Variants in SLCO6A1 observed in about 807,000 individuals in gnomAD.
The protein encoded by SLCO6A1 is solute carrier organic anion transporter family member 6A1.
SLCO6A1 carries 65 observed loss-of-function variants against 72.7 expected under a neutral mutation model. The ratio of observed to expected loss-of-function variants is 0.89; its 90% CI spans 0.73 to 1.10. The LOEUF (loss-of-function observed/expected upper bound fraction) is 1.10. Ranked by LOEUF, SLCO6A1 falls within the 50% of genes least tolerant of loss-of-function variation. The pLI is 0.00. For synonymous variants in SLCO6A1, 314 were observed against 298.2 expected (o/e 1.05, Z -0.55); for missense variants, 874 against 872.6 (o/e 1.00, Z -0.02).
intron 4 of SLCO6A1, among the ~76,000 whole-genome samples, chr5:102,472,270 G>C (rs1399897232): frequency 6.6e-6 from 1 of 152,094 alleles, no homozygotes; most frequent in Non-Finnish European, 1.5e-5. Flanking sequence ...TATTTGTCTG[G>C]TAGTTACCAA....
At chr5:102,383,334 T>A (rs562380241) in intron 12 of SLCO6A1, among the ~76,000 whole-genome samples, 33 of 151,658 alleles carry the variant, frequency 2.2e-4, no homozygotes, top group African/African-American at 7.7e-4. Context: ...TAGGTCTGAG[T>A]AAGTAATATA....
At chr5:102,460,575 T>G (rs921442226) in intron 4 of SLCO6A1, among the ~76,000 whole-genome samples, 1 of 151,910 alleles carries the variant, frequency 6.6e-6, no homozygotes, top group African/African-American at 2.4e-5. Flanking sequence ...AAGGAGGAGA[T>G]TAGGGGAGGT....
chr5:102,483,487 G>A (rs1752308118), intron 1 of SLCO6A1, among the ~76,000 whole-genome samples: 1 of 152,182 alleles, frequency 6.6e-6, no homozygotes, highest in Non-Finnish European at 1.5e-5. Context: ...TTGGAAGAGA[G>A]AGTGTTCCAT....
chr5:102,452,324 G>T (rs1404956123), intron 6 of SLCO6A1, among the ~76,000 whole-genome samples: 2 of 151,736 alleles, frequency 1.3e-5, no homozygotes, highest in South Asian at 2.1e-4. Flanking sequence ...TTTGCTTTTT[G>T]CTTTTCTGTG....
At position 102,427,840 on chromosome 5, in the gene SLCO6A1, G is replaced by GTATATA. The variant is rs1192315166; in HGVS notation, c.1277-7820_1277-7819insTATATA. On this transcript the variant is annotated intron_variant, in intron 7 of 13. Coordinates refer to ENST00000506729, the MANE Select transcript of SLCO6A1 (RefSeq NM_173488.5). ...AAACCCCCTCTCTCTGTGTGTGTAT[G>GTATATA]TATACATATATATATATATATATAT... 2.2e-4 allele frequency among the ~76,000 whole-genome samples: 23 copies of GTATATA among 102,744 alleles called. 1 individual carries two copies. The highest frequency in any genetic ancestry group is 6.7e-4 in the South Asian group (2 of 2,998). The allele number at this position is 102,744 out of a possible 152,430, so 67.4% of individuals were successfully genotyped here.
At chr5:102,468,903 T>C (rs1462384970) in intron 4 of SLCO6A1, among the ~76,000 whole-genome samples, 1 of 152,174 alleles carries the variant, frequency 6.6e-6, no homozygotes, top group African/African-American at 2.4e-5. Context: ...CCAGCACCAT[T>C]TATTAAATAG....
intron 7 of SLCO6A1, among the ~76,000 whole-genome samples, chr5:102,432,675 G>T (rs1279017756): frequency 6.6e-6 from 1 of 151,894 alleles, no homozygotes; most frequent in East Asian, 1.9e-4. Context: ...TTTGTAGATG[G>T]CCTGTCCTTT....
At chr5:102,494,013 AG>A (rs1281507203) in intron 1 of SLCO6A1, among the ~76,000 whole-genome samples, 1 of 152,192 alleles carries the variant, frequency 6.6e-6, no homozygotes, top group Non-Finnish European at 1.5e-5. Context: ...CGAAGTCGAA[AG>A]GATACCTGAT....
chr5:102,402,328 G>T (rs528296486), intron 9 of SLCO6A1, among the ~76,000 whole-genome samples: 1 of 152,096 alleles, frequency 6.6e-6, no homozygotes, highest in Non-Finnish European at 1.5e-5. Flanking sequence ...GTGAACCAGG[G>T]CCTAAAATCC....
chr5:102,491,454 G>A (rs1752672256), intron 1 of SLCO6A1, among the ~76,000 whole-genome samples: 1 of 152,210 alleles, frequency 6.6e-6, no homozygotes, highest in Non-Finnish European at 1.5e-5. Context: ...GGCACTCGTT[G>A]GGGAGGCTTG....
intron 6 of SLCO6A1, among the ~76,000 whole-genome samples, chr5:102,450,147 G>C (rs181505236): frequency 3.3e-4 from 50 of 152,270 alleles, no homozygotes; most frequent in African/African-American, 1.2e-3. Flanking sequence ...ATTTCATCCT[G>C]GTGAATAAGC....
chr5:102,386,607 T>G (rs1209452243), intron 12 of SLCO6A1, among the ~76,000 whole-genome samples: 1 of 152,100 alleles, frequency 6.6e-6, no homozygotes, highest in Non-Finnish European at 1.5e-5. Flanking sequence ...TGCCTCAGGC[T>G]GCAAGTTCCC....
chr5:102,469,927 T>C (rs1454226545), intron 4 of SLCO6A1, among the ~76,000 whole-genome samples: 1 of 152,192 alleles, frequency 6.6e-6, no homozygotes, highest in Non-Finnish European at 1.5e-5. Context: ...CATGTGGCTT[T>C]TGTCGTTGGT....
At chr5:102,441,120 T>C (rs1749809426) in intron 6 of SLCO6A1, among the ~76,000 whole-genome samples, 2 of 152,190 alleles carry the variant, frequency 1.3e-5, no homozygotes, top group Non-Finnish European at 2.9e-5. Flanking sequence ...ATATATCTAA[T>C]CCATAAAGTT....
At chr5:102,418,777 C>G (rs1748431554) in intron 8 of SLCO6A1, among the ~76,000 whole-genome samples, 1 of 152,134 alleles carries the variant, frequency 6.6e-6, no homozygotes, top group Non-Finnish European at 1.5e-5. Context: ...CCAGCACACT[C>G]TAAACTCTAT....
In SLCO6A1 at chr5:102,485,253, A is replaced by AAAATAAAT. The variant is rs71620660; in HGVS notation, c.359-4827_359-4820dup. ...GCAACAAGAGCGAAACTCCATCTCA[A>AAAATAAAT]AAATAAATAAATAAATAAATAAATA... is the stretch of plus-strand genomic sequence containing the variant. On this transcript the variant is annotated intron_variant, in intron 1 of 13. Coordinates refer to ENST00000506729, the MANE Select transcript of SLCO6A1 (RefSeq NM_173488.5). Among the ~76,000 whole-genome samples, 535 of 145,272 alleles carry AAAATAAAT rather than the reference A, an allele frequency of 3.7e-3. 4 individuals carry two copies. The highest frequency in any genetic ancestry group is 0.017 in the East Asian group (85 of 4,936).
chr5:102,483,769 A>C (rs1181448589), intron 1 of SLCO6A1, among the ~76,000 whole-genome samples: 1 of 152,184 alleles, frequency 6.6e-6, no homozygotes, highest in African/African-American at 2.4e-5. Flanking sequence ...CTGGCAAAGA[A>C]GGTACAGGAT....
At chr5:102,489,143 C>T (rs1437164961) in intron 1 of SLCO6A1, among the ~76,000 whole-genome samples, 1 of 152,156 alleles carries the variant, frequency 6.6e-6, no homozygotes, top group East Asian at 1.9e-4. Context: ...GCAATAGTTC[C>T]CAAGAGCTGC....
intron 7 of SLCO6A1, among the ~76,000 whole-genome samples, chr5:102,432,850 T>C (rs75035693): frequency 0.025 from 3,791 of 152,346 alleles, 54 homozygotes; most frequent in South Asian, 0.046. Context: ...TCATAGATGA[T>C]ATCCTGAAAT....
Sources: gnomAD v4.1 joint callset for allele counts (sites outside exome capture counted in the v4.1 genomes callset) on GRCh38, gnomAD v4.1.1 for gene constraint, MANE v1.5 for transcripts, NCBI Gene and HGNC (gene_info 2026-07-23, HGNC 2026-07-21) for gene names.